Variants in SCOC observed in about 807,000 individuals in gnomAD.
SCOC encodes the protein short coiled coil protein.
SCOC carries 7 observed loss-of-function variants against 9.9 expected under a neutral mutation model. The observed-to-expected ratio is 0.71, with a 90% CI of 0.40 to 1.33. The LOEUF (loss-of-function observed/expected upper bound fraction) is 1.33, where lower values mean the gene tolerates loss of function less well. Ranked by LOEUF, SCOC falls within the 40% of genes most tolerant of loss-of-function variation. The pLI is 0.01. For missense variants in SCOC, 66 were observed against 89.7 expected, an observed-to-expected ratio of 0.74 and a Z score of 1.07; for synonymous variants, 19 against 28.2, an observed-to-expected ratio of 0.67 and a Z score of 1.03.
intron 1 of SCOC, among the ~76,000 whole-genome samples, chr4:140,307,111 C>T (rs1390850865): frequency 2.0e-5 from 3 of 152,154 alleles, no homozygotes; most frequent in Admixed American, 6.5e-5. Flanking sequence ...CAAGAAGGGG[C>T]CATCTATGAA....
intron 1 of SCOC, among the ~76,000 whole-genome samples, chr4:140,317,337 G>T (rs1468641904): frequency 6.6e-6 from 1 of 152,140 alleles, no homozygotes; most frequent in African/African-American, 2.4e-5. Flanking sequence ...CGTGTCCTGG[G>T]CCTGGTAGTT....
chr4:140,289,828 A>G (rs1280660404), intron 1 of SCOC, among the ~76,000 whole-genome samples: 2 of 152,254 alleles, frequency 1.3e-5, no homozygotes, highest in Non-Finnish European at 2.9e-5. Flanking sequence ...GAGAAAGCTG[A>G]TAACAAAGAC....
Position 140,260,076 on chromosome 4 carries a change from T to G in SCOC, c.-19+2666T>G, listed in dbSNP as rs549570182. The stretch of plus-strand genomic sequence containing the variant: ...AGACATTATTTTTATATAATTAATT[T>G]TGAGCACTCAGCAAACACTGTCCCA... On this transcript the variant is annotated intron_variant, in intron 1 of 4. Coordinates refer to the SCOC transcript ENST00000394205. Among the ~76,000 whole-genome samples, 11 of 152,330 alleles carry G rather than the reference T, an allele frequency of 7.2e-5. No individual in the cohort carries two copies. In the South Asian group the frequency reaches 2.3e-3, roughly 32 times the overall value.
chr4:140,301,991 A>G (rs553597594), intron 1 of SCOC, among the ~76,000 whole-genome samples: 5 of 152,010 alleles, frequency 3.3e-5, no homozygotes, highest in South Asian at 4.2e-4. Context: ...ATGCCACCAC[A>G]CTGGACTAAT....
chr4:140,373,423 C>T (rs1728149006), upstream of SCOC: 2 of 1,494,718 alleles, frequency 1.3e-6, no homozygotes, highest in African/African-American at 2.8e-5. Flanking sequence ...TGTCGCTGTT[C>T]CAGGTCCCGC....
In SCOC at chr4:140,381,175, A is replaced by T; in HGVS notation, c.*71A>T. The T allele has an allele frequency of 7.0e-7, 1 of 1,436,640 alleles. No individual in the cohort carries two copies. The highest frequency in any genetic ancestry group is 9.4e-7 in the Non-Finnish European group (1 of 1,062,440). The allele number at this position is 1,436,640 out of a possible 1,614,324, so 89.0% of individuals were successfully genotyped here. A position where few individuals can be genotyped will look rare whatever the true frequency, so the allele number is the denominator to read the frequency against. On this transcript the variant is annotated 3_prime_UTR_variant, in exon 4 of 4. Transcript: ENST00000608372. ...TTCTTTAAAACTTGGATAGATTCCA[A>T]AAGTTACAGTACCTTTGTGGCTTCA...
At chr4:140,351,513 C>T (rs1726977499) in intron 2 of SCOC, among the ~76,000 whole-genome samples, 1 of 152,118 alleles carries the variant, frequency 6.6e-6, no homozygotes, top group African/African-American at 2.4e-5. Context: ...ATATTCAAAG[C>T]TGCGTCTGCG....
At chr4:140,323,290 T>A (rs1578809387) in intron 1 of SCOC, among the ~76,000 whole-genome samples, 1 of 152,180 alleles carries the variant, frequency 6.6e-6, no homozygotes, top group African/African-American at 2.4e-5. Flanking sequence ...GTGCTCCACC[T>A]TCACCTTCCA....
At chr4:140,270,417 T>G (rs1458146841) in intron 1 of SCOC, among the ~76,000 whole-genome samples, 1 of 152,170 alleles carries the variant, frequency 6.6e-6, no homozygotes, top group Admixed American at 6.5e-5. Context: ...CACTGCAGCC[T>G]CAACCTTCCA....
chr4:140,343,760 T>G (rs1251386637), intron 2 of SCOC: 3 of 1,244,268 alleles, frequency 2.4e-6, no homozygotes, highest in Non-Finnish European at 3.5e-6. Context: ...ACAGCTCAGT[T>G]TTTTAAAAAT....
upstream of SCOC, chr4:140,373,485 A>G (rs1210524885): frequency 6.4e-7 from 1 of 1,551,272 alleles, no homozygotes; most frequent in East Asian, 2.4e-5. Context: ...GTTATGGCAA[A>G]GGTGGATCCC....
At chr4:140,334,073 G>A (rs1301836031) in intron 1 of SCOC, among the ~76,000 whole-genome samples, 5 of 151,882 alleles carry the variant, frequency 3.3e-5, no homozygotes, top group African/African-American at 7.3e-5. Flanking sequence ...ATGCCATCAC[G>A]CCCAGCTAAT....
chr4:140,314,226 CCT>C, intron 1 of SCOC: 2 of 209,358 alleles, frequency 9.6e-6, no homozygotes, highest in Non-Finnish European at 2.1e-5. Context: ...CTTTTCTATC[CCT>C]GTCAGTTTTG....
chr4:140,361,205 G>A (rs902292757), intron 2 of SCOC, among the ~76,000 whole-genome samples: 8 of 145,462 alleles, frequency 5.5e-5, no homozygotes, highest in South Asian at 2.2e-4. Flanking sequence ...TTCTGTCAAT[G>A]GTCCCTTGCA....
At chr4:140,360,240 T>C (rs1727403516) in intron 2 of SCOC, among the ~76,000 whole-genome samples, 1 of 152,174 alleles carries the variant, frequency 6.6e-6, no homozygotes, top group Admixed American at 6.5e-5. Flanking sequence ...TTGTGGGAAA[T>C]AGAAGCTGAT....
intron 1 of SCOC, among the ~76,000 whole-genome samples, chr4:140,280,680 C>A (rs187066660): frequency 6.6e-6 from 1 of 152,308 alleles, no homozygotes; most frequent in East Asian, 1.9e-4. Flanking sequence ...CTAAAAAGAG[C>A]TAATTAAGTC....
chr4:140,272,238 A>G (rs1481554228), intron 1 of SCOC, among the ~76,000 whole-genome samples: 1 of 127,062 alleles, frequency 7.9e-6, no homozygotes, highest in Non-Finnish European at 1.6e-5. Flanking sequence ...TTTTTTTTTT[A>G]TAGACCAGGT....
intron 2 of SCOC, among the ~76,000 whole-genome samples, chr4:140,355,005 T>TG (rs1451093480): frequency 6.6e-6 from 1 of 151,882 alleles, no homozygotes; most frequent in East Asian, 1.9e-4. Context: ...TCAACTTGGT[T>TG]GGACTGAAGG....
chr4:140,307,821 T>C (rs1732036449), intron 1 of SCOC, among the ~76,000 whole-genome samples: 1 of 152,236 alleles, frequency 6.6e-6, no homozygotes, highest in African/African-American at 2.4e-5. Flanking sequence ...TATTTCAAAA[T>C]TATTTCAAAT....
Sources: allele counts gnomAD v4.1 joint callset (sites outside exome capture counted in the v4.1 genomes callset), GRCh38; gene constraint gnomAD v4.1.1; transcripts MANE v1.5; gene names NCBI Gene and HGNC (gene_info 2026-07-23, HGNC 2026-07-21).